The following CCDC3 variants were observed in gnomAD, a reference collection of about 807,000 sequenced individuals.
CCDC3 encodes the protein coiled-coil domain containing 3.
In CCDC3, 24 loss-of-function variants were observed where a neutral mutation model predicts 21.4. The observed-to-expected ratio is 1.12, with a 90% confidence interval of 0.81 to 1.58. The LOEUF (loss-of-function observed/expected upper bound fraction) is 1.58, where lower values mean the gene tolerates loss of function less well. Among genes scored for constraint, CCDC3 ranks in the 40% most tolerant of loss-of-function variants. The probability of loss-of-function intolerance (pLI) is 0.00; values close to 1 mark genes in which losing one functional copy is unlikely to be tolerated. For missense variants in CCDC3, 425 were observed against 360.9 expected (o/e 1.18, Z -1.44); for synonymous variants, 186 against 166.0 (o/e 1.12, Z -0.93).
intron 3 of CCDC3, among the ~76,000 whole-genome samples, chr10:13,094,968 C>G (rs1832613711): frequency 6.6e-6 from 1 of 152,132 alleles, no homozygotes; most frequent in Non-Finnish European, 1.5e-5. Context: ...CCCTGGGACT[C>G]TGGGTACTTG....
intron 5 of CCDC3, among the ~76,000 whole-genome samples, chr10:13,017,516 C>A (rs866880599): frequency 2.0e-3 from 218 of 111,540 alleles, no homozygotes; most frequent in Middle Eastern, 5.0e-3. Context: ...GACTCCATCT[C>A]AAAAAAAAAA....
intron 2 of CCDC3, among the ~76,000 whole-genome samples, chr10:12,967,718 A>G (rs1025663008): frequency 6.6e-6 from 1 of 152,180 alleles, no homozygotes; most frequent in African/African-American, 2.4e-5. Context: ...TTAAGGGAAA[A>G]AAACATAGGG....
chr10:13,084,209 TTTC>T (rs1398689248), intron 3 of CCDC3, among the ~76,000 whole-genome samples: 3 of 152,268 alleles, frequency 2.0e-5, no homozygotes, highest in Middle Eastern at 3.4e-3. Flanking sequence ...GGTGGACATG[TTTC>T]TTCTTCTGCC....
chr10:13,009,634 A>T (rs182455524), intron 5 of CCDC3, among the ~76,000 whole-genome samples: 1 of 152,374 alleles, frequency 6.6e-6, no homozygotes, highest in Admixed American at 6.5e-5. Flanking sequence ...ATAACTGATT[A>T]TTAAAAAGCT....
intron 3 of CCDC3, among the ~76,000 whole-genome samples, chr10:13,076,019 G>C (rs1330089154): frequency 6.6e-6 from 1 of 152,104 alleles, no homozygotes; most frequent in Non-Finnish European, 1.5e-5. Context: ...CCAAGATTGT[G>C]CCAGTGCACT....
In CCDC3 at chr10:13,035,016, ACT is replaced by A. The variant is rs1441725317; in HGVS notation, c.-2+14656_-2+14657del. Among the ~76,000 whole-genome samples the A allele has an allele frequency of 3.4e-5, 5 of 148,438 alleles. No homozygotes were observed. In the South Asian group the frequency reaches 8.7e-4, roughly 26 times the overall value. ...ACTCCAGTCTGGGCGACAAAGTGAG[ACT>A]CTGTCTCAAAAAATTAAAAAAAAAA... is the stretch of plus-strand genomic sequence containing the variant. On this transcript the variant is annotated intron_variant, in intron 5 of 6. Coordinates refer to the CCDC3 transcript ENST00000378839.
chr10:12,979,056 T>TC (rs1835458990), intron 2 of CCDC3, among the ~76,000 whole-genome samples: 1 of 152,006 alleles, frequency 6.6e-6, no homozygotes, highest in Non-Finnish European at 1.5e-5. Flanking sequence ...ATCACATATC[T>TC]CCCCAGATGG....
intron 5 of CCDC3, among the ~76,000 whole-genome samples, chr10:13,039,667 AG>A (rs1836423754): frequency 6.6e-6 from 1 of 152,136 alleles, no homozygotes; most frequent in South Asian, 2.1e-4. Flanking sequence ...AAGTTGGGAG[AG>A]TGCAGAGTAA....
At chr10:13,098,805 C>T (rs1832670095) in intron 2 of CCDC3, among the ~76,000 whole-genome samples, 1 of 145,984 alleles carries the variant, frequency 6.9e-6, no homozygotes, top group African/African-American at 2.6e-5. Flanking sequence ...CAAGCTCTGC[C>T]TCCCGGGTTC....
At position 12,939,616 on chromosome 10, in the gene CCDC3, G is replaced by T. The variant is rs556207750; in HGVS notation, c.550-40937C>A. Among the ~76,000 whole-genome samples the T allele has an allele frequency of 1.5e-4, 23 of 148,558 alleles. No homozygotes were observed. In the South Asian group the frequency reaches 3.9e-3, roughly 25 times the overall value. ...AAATGTTGGTAGTATTCAACAGATGGTAGGAGCGGATCAATTCTGTCCAGA... is the reference window on the plus strand; with the variant it reads ...AAATGTTGGTAGTATTCAACAGATGTTAGGAGCGGATCAATTCTGTCCAGA... On this transcript the variant is annotated intron_variant, in intron 2 of 2. Transcript: ENST00000378825.
intron 2 of CCDC3, among the ~76,000 whole-genome samples, chr10:12,925,771 T>C (rs538421699): frequency 5.3e-5 from 8 of 152,220 alleles, no homozygotes; most frequent in Non-Finnish European, 1.2e-4. Flanking sequence ...CACATTACAT[T>C]TTCCCCAAAA....
chr10:13,007,232 T>C (rs1278174165), intron 5 of CCDC3, among the ~76,000 whole-genome samples: 1 of 152,190 alleles, frequency 6.6e-6, no homozygotes, highest in East Asian at 1.9e-4. Context: ...CAGGTGGCTG[T>C]GCAGGTCACA....
At chr10:12,999,320 A>C (rs1325007661) in intron 1 of CCDC3, among the ~76,000 whole-genome samples, 1 of 152,226 alleles carries the variant, frequency 6.6e-6, no homozygotes, top group East Asian at 1.9e-4. Context: ...AACCTAAGTA[A>C]ATGAAGCACT....
At chr10:12,951,976 C>T (rs1211821303) in intron 2 of CCDC3, among the ~76,000 whole-genome samples, 1 of 152,124 alleles carries the variant, frequency 6.6e-6, no homozygotes, top group Non-Finnish European at 1.5e-5. Flanking sequence ...CCTGTCTGTA[C>T]CATGTCTAGT....
At chr10:12,986,021 G>A (rs889275161) in intron 2 of CCDC3, among the ~76,000 whole-genome samples, 2 of 152,160 alleles carry the variant, frequency 1.3e-5, no homozygotes, top group South Asian at 2.1e-4. Context: ...GACTACAGGC[G>A]CCCGCCACCA....
chr10:12,903,090 G>A (rs924998618), intron 2 of CCDC3, among the ~76,000 whole-genome samples: 2 of 152,172 alleles, frequency 1.3e-5, no homozygotes, highest in East Asian at 1.9e-4. Context: ...CTCTAGTAAC[G>A]TATCCAAGAC....
chr10:13,093,150 T>C (rs1832595355), intron 3 of CCDC3, among the ~76,000 whole-genome samples: 2 of 151,822 alleles, frequency 1.3e-5, no homozygotes, highest in African/African-American at 4.8e-5. Flanking sequence ...ATATACCTGA[T>C]ACTGGGTGAT....
In CCDC3 at chr10:12,980,546, G is replaced by T. The variant is rs80029449; in HGVS notation, c.549+17792C>A. Among the ~76,000 whole-genome samples the T allele has an allele frequency of 3.5e-3, 531 of 152,338 alleles. 1 individual carries two copies. Among genetic ancestry groups the T allele is most frequent in the African/African-American group, 0.012 (498 of 41,576 alleles). On this transcript the variant is annotated intron_variant, in intron 2 of 2. Coordinates refer to ENST00000378825, the MANE Select transcript of CCDC3 (RefSeq NM_031455.4). ...ACACAGGGCAGACAGGGAGGAGGGG[G>T]TGGAGGAAGAAAGGCTTAGGTAAGC...
intron 2 of CCDC3, among the ~76,000 whole-genome samples, chr10:12,954,708 C>A (rs762299776): frequency 6.6e-6 from 1 of 152,200 alleles, no homozygotes; most frequent in East Asian, 1.9e-4. Flanking sequence ...GACAAGGGAT[C>A]CACCCCCATG....
Sources: gnomAD v4.1 joint callset for allele counts (sites outside exome capture counted in the v4.1 genomes callset) on GRCh38, gnomAD v4.1.1 for gene constraint, MANE v1.5 for transcripts, NCBI Gene and HGNC (gene_info 2026-07-23, HGNC 2026-07-21) for gene names.